The following ANK3 variants were observed in gnomAD, a reference collection of about 807,000 sequenced individuals.
The protein encoded by ANK3 is ankyrin 3.
In ANK3, 57 loss-of-function variants were observed where a neutral mutation model predicts 370.9. The ratio of observed to expected loss-of-function variants is 0.15; its 90% confidence interval spans 0.12 to 0.19. The LOEUF (loss-of-function observed/expected upper bound fraction) is 0.19, where lower values mean the gene tolerates loss of function less well. Ranked by LOEUF, ANK3 falls within the 10% of genes least tolerant of loss-of-function variation. ANK3 has a pLI of 1.00. For missense variants in ANK3, 4,439 were observed against 5,302.1 expected (o/e 0.84, Z 5.06); for synonymous variants, 1,929 against 1,946.3 (o/e 0.99, Z 0.23).
chr10:60,492,352 GATA>G (rs2075529931), intron 2 of ANK3, among the ~76,000 whole-genome samples: 1 of 152,108 alleles, frequency 6.6e-6, no homozygotes, highest in African/African-American at 2.4e-5. Flanking sequence ...TTTAAAAGGG[GATA>G]ATGATTGTCC....
At chr10:60,237,624 T>A (rs921468344) in intron 7 of ANK3, among the ~76,000 whole-genome samples, 4 of 151,902 alleles carry the variant, frequency 2.6e-5, no homozygotes, top group African/African-American at 9.7e-5. Flanking sequence ...AATTTAATTT[T>A]ATTATTATTA....
chr10:60,670,158 C>T (rs10821822), intron 1 of ANK3, among the ~76,000 whole-genome samples: 40,815 of 151,942 alleles, frequency 0.27, 6,594 homozygotes, highest in South Asian at 0.48. Context: ...GCTGCAAATA[C>T]AATGAATATA....
chr10:60,186,345 G>GAC (rs143361789), intron 17 of ANK3, among the ~76,000 whole-genome samples: 2 of 117,746 alleles, frequency 1.7e-5, no homozygotes, highest in African/African-American at 7.0e-5. Flanking sequence ...TTATCTTTCT[G>GAC]TCTTTTTTTT....
At chr10:60,614,898 C>T (rs1161625936) in intron 2 of ANK3, among the ~76,000 whole-genome samples, 1 of 152,098 alleles carries the variant, frequency 6.6e-6, no homozygotes, top group Non-Finnish European at 1.5e-5. Flanking sequence ...TTAAATCAAG[C>T]CTCAAATGCA....
intron 2 of ANK3, among the ~76,000 whole-genome samples, chr10:60,454,414 A>G (rs2064692128): frequency 6.6e-6 from 1 of 152,094 alleles, no homozygotes; most frequent in African/African-American, 2.4e-5. Flanking sequence ...TTCAGTTTCT[A>G]TTAATGCCAG....
intron 1 of ANK3, among the ~76,000 whole-genome samples, chr10:60,702,965 T>A (rs55916217): frequency 0.052 from 7,911 of 152,232 alleles, 287 homozygotes; most frequent in African/African-American, 0.086. Flanking sequence ...ATAAAAGAAC[T>A]TATTCAATGA....
At chr10:60,401,301 G>A (rs894889676) in intron 2 of ANK3, among the ~76,000 whole-genome samples, 1 of 152,148 alleles carries the variant, frequency 6.6e-6, no homozygotes, top group South Asian at 2.1e-4. Flanking sequence ...CTAGAGACTT[G>A]CTGTATATCT....
chr10:60,147,492 C>A (rs1362707930), intron 23 of ANK3, among the ~76,000 whole-genome samples: 1 of 152,156 alleles, frequency 6.6e-6, no homozygotes, highest in Non-Finnish European at 1.5e-5. Flanking sequence ...CTAGGATATA[C>A]TTTTGATATG....
intron 1 of ANK3, among the ~76,000 whole-genome samples, chr10:60,353,946 G>A (rs1043077354): frequency 1.3e-5 from 2 of 152,218 alleles, no homozygotes; most frequent in African/African-American, 4.8e-5. Flanking sequence ...GACCAGGCAC[G>A]AAATGGCTGT....
At chr10:60,427,423 T>C (rs1386842253) in intron 2 of ANK3, among the ~76,000 whole-genome samples, 1 of 151,978 alleles carries the variant, frequency 6.6e-6, no homozygotes, top group Non-Finnish European at 1.5e-5. Context: ...TTTCCTGACA[T>C]TCTTGGTGAG....
chr10:60,315,545 G>C (rs1340266729), intron 1 of ANK3, among the ~76,000 whole-genome samples: 4 of 152,144 alleles, frequency 2.6e-5, no homozygotes, highest in Admixed American at 2.6e-4. Context: ...CAAAAGAGCT[G>C]TTAGAAATGA....
intron 8 of ANK3, among the ~76,000 whole-genome samples, chr10:60,215,792 C>G (rs1483071604): frequency 6.6e-6 from 1 of 152,120 alleles, no homozygotes; most frequent in Non-Finnish European, 1.5e-5. Context: ...ATGCCTCCAG[C>G]TTTGTTCTTT....
chr10:60,663,013 T>C (rs1383191099), intron 1 of ANK3, among the ~76,000 whole-genome samples: 1 of 152,168 alleles, frequency 6.6e-6, no homozygotes, highest in African/African-American at 2.4e-5. Context: ...CTTGAGGAAA[T>C]GAGTCAAACA....
intron 1 of ANK3, among the ~76,000 whole-genome samples, chr10:60,724,328 T>C (rs1490709325): frequency 2.0e-5 from 3 of 151,864 alleles, no homozygotes. Context: ...TAAATCTGTA[T>C]TGTTTTTAGT....
chr10:60,563,030 T>C (rs1164990848), intron 2 of ANK3, among the ~76,000 whole-genome samples: 2 of 152,186 alleles, frequency 1.3e-5, no homozygotes, highest in Non-Finnish European at 2.9e-5. Context: ...CATCAAATGA[T>C]TATGAACAAC....
intron 2 of ANK3, among the ~76,000 whole-genome samples, chr10:60,406,032 ATC>A (rs1482816471): frequency 6.6e-6 from 1 of 152,216 alleles, no homozygotes; most frequent in Non-Finnish European, 1.5e-5. Flanking sequence ...CAGCAACATT[ATC>A]TCTGTTTTCT....
intron 1 of ANK3, among the ~76,000 whole-genome samples, chr10:60,356,544 G>C (rs1372906909): frequency 6.6e-6 from 1 of 152,144 alleles, no homozygotes; most frequent in East Asian, 1.9e-4. Context: ...TGCAGTAGCT[G>C]GAGGTTAGAA....
chr10:60,272,863 C>T (rs934721777), intron 4 of ANK3, among the ~76,000 whole-genome samples: 12 of 152,090 alleles, frequency 7.9e-5, no homozygotes, highest in East Asian at 1.9e-4. Context: ...AATGTCAGTT[C>T]GTTCTCAATG....
At chr10:60,471,052 G>A (rs2065206325) in intron 2 of ANK3, among the ~76,000 whole-genome samples, 1 of 151,988 alleles carries the variant, frequency 6.6e-6, no homozygotes, top group South Asian at 2.1e-4. Context: ...ATCAATATTA[G>A]CACTGCTCTA....
Sources: allele counts gnomAD v4.1 joint callset (sites outside exome capture counted in the v4.1 genomes callset), GRCh38; gene constraint gnomAD v4.1.1; transcripts MANE v1.5; gene names NCBI Gene and HGNC (gene_info 2026-07-23, HGNC 2026-07-21).